The following REEP5 variants were observed in gnomAD, a reference collection of about 807,000 sequenced individuals.
REEP5 encodes the protein receptor expression-enhancing protein 5.
Under a neutral mutation model 22.4 loss-of-function variants are expected in REEP5, and 24 were observed. That is an observed-to-expected ratio of 1.07 (90% CI 0.78 to 1.51). The LOEUF is 1.51. REEP5 is among the 40% of genes most tolerant of loss of function. The pLI, the probability that REEP5 is intolerant of heterozygous loss-of-function variation, is 0.00. For synonymous variants in REEP5, 103 were observed against 88.6 expected (o/e 1.16, Z -0.92); for missense variants, 252 against 233.0 (o/e 1.08, Z -0.53).
chr5:112,889,933 T>A (rs1768382336), intron 3 of REEP5, among the ~76,000 whole-genome samples: 2 of 150,188 alleles, frequency 1.3e-5, no homozygotes, highest in Non-Finnish European at 2.9e-5. Context: ...TTCAAGCGAT[T>A]CTCCTGTCTC....
chr5:112,913,449 A>AGCT (rs1486914850), intron 2 of REEP5, among the ~76,000 whole-genome samples: 3 of 151,138 alleles, frequency 2.0e-5, no homozygotes, highest in Non-Finnish European at 2.9e-5. Context: ...GTGGAGTGAG[A>AGCT]ATAGCTAGAG....
intron 3 of REEP5, among the ~76,000 whole-genome samples, chr5:112,889,001 T>G (rs955252151): frequency 8.6e-5 from 13 of 150,872 alleles, no homozygotes; most frequent in South Asian, 8.4e-4. Context: ...TATAAGGAGT[T>G]TCCCCTTTCG....
intron 2 of REEP5, among the ~76,000 whole-genome samples, chr5:112,914,810 G>C (rs1464986287): frequency 6.6e-6 from 1 of 152,130 alleles, no homozygotes; most frequent in East Asian, 1.9e-4. Flanking sequence ...ATATATAGTA[G>C]ACACATGACT....
At chr5:112,896,310 G>A (rs1430884835) in intron 3 of REEP5, 1 of 152,560 alleles carries the variant, frequency 6.6e-6, no homozygotes, top group Non-Finnish European at 1.5e-5. Flanking sequence ...GATCACCTGA[G>A]GTCAGGAGTT....
intron 3 of REEP5, among the ~76,000 whole-genome samples, chr5:112,901,179 AG>A (rs1356655474): frequency 2.6e-5 from 4 of 152,138 alleles, no homozygotes; most frequent in Non-Finnish European, 4.4e-5. Flanking sequence ...ATCAACTACA[AG>A]TTTTGGTCAG....
intron 4 of REEP5, among the ~76,000 whole-genome samples, chr5:112,886,593 CT>C (rs1212749231): frequency 1.3e-5 from 2 of 152,160 alleles, no homozygotes; most frequent in African/African-American, 4.8e-5. Context: ...TAGAAATTTA[CT>C]ACGTAAATGC....
chr5:112,921,981 T>C (rs941207685), intron 1 of REEP5, 92 bp downstream of exon 1: 1 of 1,443,706 alleles, frequency 6.9e-7, no homozygotes, highest in Non-Finnish European at 9.2e-7. Flanking sequence ...GACTCCACCT[T>C]TCCCGAGTCC....
At chr5:112,887,463 A>G (rs1262857527) in intron 3 of REEP5, among the ~76,000 whole-genome samples, 4 of 152,226 alleles carry the variant, frequency 2.6e-5, no homozygotes, top group Admixed American at 2.6e-4. Context: ...ACGTTTTAGT[A>G]TATAGCTGTA....
At position 112,887,041 on chromosome 5, in the gene REEP5, T is replaced by C; in HGVS notation, c.494A>G (p.Glu165Gly). The change falls in exon 4 of 5, where the codon GAG becomes GGG. Residue 165 changes from glutamate (E) to glycine (G), a missense_variant. Physicochemically the swap from Glu to Gly is moderately conservative, Grantham distance 98 (BLOSUM62 -2). Coordinates refer to ENST00000379638, the MANE Select transcript of REEP5 (RefSeq NM_005669.5). ...VVKDLKDKAK[E>G]TADAITKEAK... ...TTCTTTAGTGATGGCATCTGCAGTC[T>C]CTTTGGCCTTGTCTTTAAGGTCCTT... 6.2e-7 allele frequency: 1 copy of C among 1,612,574 alleles called. No homozygotes were observed. The highest frequency in any genetic ancestry group is 8.5e-7 in the Non-Finnish European group (1 of 1,178,964).
At chr5:112,897,508 G>A (rs1019311825) in intron 3 of REEP5, 1 of 152,094 alleles carries the variant, frequency 6.6e-6, no homozygotes, top group Non-Finnish European at 1.5e-5. Flanking sequence ...ATAAAGGAAT[G>A]AGCATATGTA....
chr5:112,905,907 G>A (rs1768947463), intron 2 of REEP5, among the ~76,000 whole-genome samples: 1 of 152,152 alleles, frequency 6.6e-6, no homozygotes, highest in South Asian at 2.1e-4. Flanking sequence ...ACAGGCATGA[G>A]CCACCATGCC....
chr5:112,899,940 A>C (rs1337793891), intron 3 of REEP5, among the ~76,000 whole-genome samples: 5 of 152,182 alleles, frequency 3.3e-5, no homozygotes, highest in Non-Finnish European at 7.4e-5. Flanking sequence ...GGCACTCAAA[A>C]AGTTTGGGGT....
At chr5:112,904,080 C>A (rs1428643676) in intron 2 of REEP5, among the ~76,000 whole-genome samples, 2 of 152,208 alleles carry the variant, frequency 1.3e-5, no homozygotes, top group African/African-American at 4.8e-5. Flanking sequence ...AATCCTCCTG[C>A]CTTGGCCTCC....
intron 2 of REEP5, among the ~76,000 whole-genome samples, chr5:112,913,987 C>G (rs1215028646): frequency 6.6e-6 from 1 of 151,720 alleles, no homozygotes; most frequent in African/African-American, 2.4e-5. Context: ...AACCCCATCT[C>G]TACAAAAAAT....
chr5:112,887,207 G>A, intron 3 of REEP5, 24 bp from the exon 4 acceptor site: 1 of 1,545,512 alleles, frequency 6.5e-7, no homozygotes, highest in Non-Finnish European at 8.8e-7. Flanking sequence ...GAGCCAGCAT[G>A]GGTAACAGGA....
At chr5:112,916,269 T>C (rs1172488940) in intron 2 of REEP5, among the ~76,000 whole-genome samples, 1 of 152,208 alleles carries the variant, frequency 6.6e-6, no homozygotes, top group Admixed American at 6.5e-5. Flanking sequence ...TTTCTTCAAA[T>C]TAACCTTCTT....
chr5:112,891,097 G>C (rs1417327115), intron 3 of REEP5, among the ~76,000 whole-genome samples: 1 of 147,542 alleles, frequency 6.8e-6, no homozygotes, highest in Non-Finnish European at 1.5e-5. Flanking sequence ...TTTTGAGACA[G>C]AGTCTCACTC....
intron 4 of REEP5, among the ~76,000 whole-genome samples, chr5:112,881,128 C>CAAAAAAAA (rs58737941): frequency 3.0e-5 from 2 of 67,202 alleles, no homozygotes; most frequent in African/African-American, 6.1e-5. Context: ...GACTCTGTTT[C>CAAAAAAAA]AAAAAAAAAA....
chr5:112,917,244 T>C (rs1354529766), intron 2 of REEP5, among the ~76,000 whole-genome samples: 2 of 152,248 alleles, frequency 1.3e-5, no homozygotes, highest in Non-Finnish European at 2.9e-5. Context: ...CTTTCTAACA[T>C]TGGCACTAAA....
Sources: gnomAD v4.1 joint callset for allele counts (sites outside exome capture counted in the v4.1 genomes callset) on GRCh38, gnomAD v4.1.1 for gene constraint, MANE v1.5 for transcripts, NCBI Gene and HGNC (gene_info 2026-07-23, HGNC 2026-07-21) for gene names.